SSX2IP: variants seen among roughly 807,000 people sequenced by gnomAD.
SSX2IP encodes the protein SSX family member 2 interacting protein.
SSX2IP carries 55 observed loss-of-function variants against 84.9 expected under a neutral mutation model. That is an observed-to-expected ratio of 0.65 (90% CI 0.52 to 0.81). The LOEUF is 0.81. SSX2IP is among the 30% of genes least tolerant of loss of function. The probability of loss-of-function intolerance (pLI) is 0.00; values close to 1 mark genes in which losing one functional copy is unlikely to be tolerated. For synonymous variants in SSX2IP, 239 were observed against 234.7 expected, an observed-to-expected ratio of 1.02 and a Z score of -0.17; for missense variants, 664 against 705.2, an observed-to-expected ratio of 0.94 and a Z score of 0.66.
chr1:84,690,586 C>G (rs1011774188), upstream of SSX2IP: 36 of 152,538 alleles, frequency 2.4e-4, no homozygotes, highest in African/African-American at 8.4e-4. Flanking sequence ...CAGGCCCCGC[C>G]GCCTCCCATT....
At chr1:84,689,046 T>TAACCTAA (rs1656205017) in intron 1 of SSX2IP, among the ~76,000 whole-genome samples, 1 of 152,230 alleles carries the variant, frequency 6.6e-6, no homozygotes, top group African/African-American at 2.4e-5. Flanking sequence ...TTTCCTTACT[T>TAACCTAA]GTTTAGTGTG....
In SSX2IP at chr1:84,671,126, A is replaced by C. The variant is rs754520699; in HGVS notation, c.43+51T>G. ...AATTATTTTATATTTTCATTGAAAA[A>C]TTCACCTTTACAGTTTCTGCTTTTG... On this transcript the variant is annotated intron_variant, in intron 2 of 13. Transcript: ENST00000342203. 4 of 1,580,898 alleles carry C rather than the reference A, an allele frequency of 2.5e-6. No individual in the cohort carries two copies. The African/African-American group carries it at 5.5e-5, about 22-fold the overall frequency.
chr1:84,652,347 T>G (rs1021126156), intron 11 of SSX2IP: 4 of 163,882 alleles, frequency 2.4e-5, no homozygotes, highest in Non-Finnish European at 4.8e-5. Flanking sequence ...GGCTAGAGGC[T>G]GGGAAGTTGA....
chr1:84,647,721 A>C, intron 13 of SSX2IP, 114 bp from the exon 14 acceptor site: 9 of 696,578 alleles, frequency 1.3e-5, no homozygotes, highest in South Asian at 3.8e-5. Flanking sequence ...CTAAAAATCT[A>C]GGCCAAAAAT....
intron 1 of SSX2IP, among the ~76,000 whole-genome samples, chr1:84,684,895 ACT>A (rs1335627847): frequency 6.6e-6 from 1 of 152,062 alleles, no homozygotes; most frequent in Non-Finnish European, 1.5e-5. Flanking sequence ...ATGCAATAAA[ACT>A]ATAAAAGACA....
intron 3 of SSX2IP, 59 bp from the exon 4 acceptor site, chr1:84,669,952 G>A: frequency 1.6e-6 from 2 of 1,267,952 alleles, no homozygotes; most frequent in South Asian, 1.3e-5. Flanking sequence ...CTGGTCAGAG[G>A]ATACAAACTT....
chr1:84,665,432 A>C (rs564622641), intron 5 of SSX2IP, among the ~76,000 whole-genome samples: 7 of 152,330 alleles, frequency 4.6e-5, no homozygotes, highest in Admixed American at 4.6e-4. Context: ...ATTGTAGTTA[A>C]AACAACATAT....
At chr1:84,686,508 C>T (rs1175892444) in intron 1 of SSX2IP, among the ~76,000 whole-genome samples, 1 of 152,160 alleles carries the variant, frequency 6.6e-6, no homozygotes, top group African/African-American at 2.4e-5. Flanking sequence ...CTTTGTGTAG[C>T]TTACTGGGTT....
At chr1:84,650,830 G>A (rs940828355) in intron 12 of SSX2IP, among the ~76,000 whole-genome samples, 4 of 151,666 alleles carry the variant, frequency 2.6e-5, no homozygotes, top group East Asian at 3.9e-4. Flanking sequence ...TCAGCCTCCC[G>A]AGTAGCTGGG....
intron 4 of SSX2IP, among the ~76,000 whole-genome samples, chr1:84,668,864 G>C (rs188291940): frequency 2.6e-5 from 4 of 152,064 alleles, no homozygotes; most frequent in Non-Finnish European, 5.9e-5. Flanking sequence ...AAAGAAAGCT[G>C]ATCATCTGAC....
Position 84,669,775 on chromosome 1 carries a change from C to T in SSX2IP, c.332G>A (p.Arg111Gln), listed in dbSNP as rs143554238. The change falls in exon 4 of 14, where the codon CGG (arginine) becomes CAG (glutamine). Residue 111 changes from arginine to glutamine, a missense_variant. Physicochemically the swap from Arg to Gln is conservative, Grantham distance 43. Coordinates refer to ENST00000342203, the MANE Select transcript of SSX2IP (RefSeq NM_001166293.2). ...NCMNELLVLQ[R>Q]KNLLAQENVE... ...ATTTTCCTGAGCTAGAAGGTTCTTC[C>T]GCTGAAGCACAAGCAGCTCATTCAT... 70 of 1,613,652 alleles carry T rather than the reference C, an allele frequency of 4.3e-5. No homozygotes were observed. Among genetic ancestry groups the T allele is most frequent in the Non-Finnish European group, 5.7e-5 (67 of 1,179,782 alleles).
At chr1:84,652,122 T>C (rs1650343610) in intron 11 of SSX2IP, 125 bp from the exon 12 acceptor site, 1 of 671,740 alleles carries the variant, frequency 1.5e-6, no homozygotes, top group Non-Finnish European at 2.6e-6. Flanking sequence ...TTATGTCAAA[T>C]GAGTTAACCT....
intron 11 of SSX2IP, chr1:84,655,436 A>T: frequency 7.7e-7 from 1 of 1,291,320 alleles, no homozygotes; most frequent in Non-Finnish European, 1.0e-6. Flanking sequence ...GACTGGGGAG[A>T]AGAGAACTTA....
intron 1 of SSX2IP, among the ~76,000 whole-genome samples, chr1:84,676,935 G>T (rs1654430147): frequency 1.3e-5 from 2 of 151,830 alleles, no homozygotes; most frequent in Non-Finnish European, 2.9e-5. Flanking sequence ...GGCTGGTCTT[G>T]AACTCCTGAC....
intron 6 of SSX2IP, 137 bp downstream of exon 6, chr1:84,664,280 C>A: frequency 1.1e-6 from 1 of 917,498 alleles, no homozygotes. Flanking sequence ...TTTATATAAA[C>A]AAACACCACT....
chr1:84,664,336 T>C, intron 6 of SSX2IP, 81 bp downstream of exon 6: 1 of 1,275,824 alleles, frequency 7.8e-7, no homozygotes, highest in Non-Finnish European at 1.0e-6. Context: ...CGTGAGTTAC[T>C]GTGTTCAATC....
intron 8 of SSX2IP, among the ~76,000 whole-genome samples, chr1:84,660,669 G>A (rs903927689): frequency 2.2e-4 from 33 of 151,990 alleles, no homozygotes; most frequent in African/African-American, 8.0e-4. Context: ...GGAGGCTGAG[G>A]CAGGAGAATT....
In SSX2IP at chr1:84,647,612, T is replaced by C; in HGVS notation, c.1671-5A>G. 1.3e-6 allele frequency: 2 copies of C among 1,572,838 alleles called. No homozygotes were observed. Among genetic ancestry groups the C allele is most frequent in the East Asian group, 4.6e-5 (2 of 43,022 alleles). ...ATATTCAGTACATTGATTGAACTGTTGGGAAAAGAAAGGCAGATCTTAGTG... is the reference window on the plus strand; with the variant it reads ...ATATTCAGTACATTGATTGAACTGTCGGGAAAAGAAAGGCAGATCTTAGTG... On this transcript the variant is annotated splice_region_variant and splice_polypyrimidine_tract_variant and intron_variant, in intron 13 of 13. Transcript: ENST00000342203.
intron 10 of SSX2IP, 98 bp downstream of exon 10, chr1:84,656,250 A>T: frequency 7.9e-7 from 1 of 1,260,656 alleles, no homozygotes; most frequent in Non-Finnish European, 1.1e-6. Flanking sequence ...TCTGTCAAAT[A>T]CCAGGGCCTT....
Sources: gnomAD v4.1 joint callset for allele counts (sites outside exome capture counted in the v4.1 genomes callset) on GRCh38, gnomAD v4.1.1 for gene constraint, MANE v1.5 for transcripts, NCBI Gene and HGNC (gene_info 2026-07-23, HGNC 2026-07-21) for gene names.